HECTD4: variants seen among roughly 807,000 people sequenced by gnomAD.
HECTD4 encodes the protein HECT domain E3 ubiquitin protein ligase 4.
HECTD4 carries 114 observed loss-of-function variants against 471.5 expected under a neutral mutation model. That is an observed-to-expected ratio of 0.24 (90% CI 0.21 to 0.28). HECTD4 has a LOEUF of 0.28. Ranked by LOEUF, HECTD4 falls within the 10% of genes least tolerant of loss-of-function variation. The pLI is 1.00. For synonymous variants in HECTD4, 2,012 were observed against 2,256.0 expected, an observed-to-expected ratio of 0.89 and a Z score of 3.07; for missense variants, 3,866 against 5,651.5, an observed-to-expected ratio of 0.68 and a Z score of 10.13.
chr12:112,248,611 C>A, intron 25 of HECTD4, 99 bp from the exon 26 acceptor site: 1 of 767,506 alleles, frequency 1.3e-6, no homozygotes, highest in East Asian at 2.9e-5. Context: ...GACAAGGTCT[C>A]CCTCTGTCAC....
At chr12:112,198,381 G>A (rs2032312310) in intron 55 of HECTD4, among the ~76,000 whole-genome samples, 1 of 152,186 alleles carries the variant, frequency 6.6e-6, no homozygotes, top group Non-Finnish European at 1.5e-5. Context: ...CACAGAGGAG[G>A]GGCTGCCAAG....
rs1253624662 is a variant in HECTD4, at chr12:112,193,465, C to T, written c.8955+4G>A. The T allele has an allele frequency of 3.1e-6, 5 of 1,603,818 alleles. No individual in the cohort carries two copies. Among genetic ancestry groups the T allele is most frequent in the Middle Eastern group, 1.7e-4 (1 of 6,050 alleles). ...CTGCAGGAACATGAGCTTTAGACTT[C>T]TACCTGCAGGAAAGAGCAGATCTGT... is the stretch of plus-strand genomic sequence containing the variant. On this transcript the variant is annotated splice_donor_region_variant and intron_variant, in intron 57 of 75. Coordinates refer to ENST00000682272, the MANE Select transcript of HECTD4 (RefSeq NM_001388303.1). This position sits in a 1 kb window ranked among gnomAD's most constrained non-coding sequence, Gnocchi z 5.2.
At chr12:112,332,811 CAA>C (rs58813588) in intron 1 of HECTD4, among the ~76,000 whole-genome samples, 4 of 139,424 alleles carry the variant, frequency 2.9e-5, no homozygotes, top group African/African-American at 7.8e-5. Flanking sequence ...CACCCTACTG[CAA>C]AAAAAAAAAA....
At chr12:112,216,103 C>T (rs2032909187) in intron 48 of HECTD4, among the ~76,000 whole-genome samples, 189 bp downstream of exon 48, 1 of 152,184 alleles carries the variant, frequency 6.6e-6, no homozygotes, top group Non-Finnish European at 1.5e-5. Flanking sequence ...CAAATGGAGG[C>T]TCTAATGGCG....
chr12:112,209,958 A>C, intron 50 of HECTD4, 57 bp downstream of exon 50: 1 of 1,399,948 alleles, frequency 7.1e-7, no homozygotes, highest in Non-Finnish European at 9.9e-7. Context: ...TATGGAATTC[A>C]TAACATTCAT....
intron 1 of HECTD4, among the ~76,000 whole-genome samples, chr12:112,355,070 T>C (rs1338061754): frequency 6.7e-6 from 1 of 149,680 alleles, no homozygotes; most frequent in African/African-American, 2.5e-5. Flanking sequence ...AACCTCCGCC[T>C]CCCGGGTTCA....
At chr12:112,191,038 G>T in intron 59 of HECTD4, 73 bp from the exon 60 acceptor site, 2 of 1,293,406 alleles carry the variant, frequency 1.5e-6, no homozygotes, top group Non-Finnish European at 2.1e-6. Context: ...AAAAGGTCCT[G>T]CCAGGTGTGC....
At position 112,235,532 on chromosome 12, in the gene HECTD4, T is replaced by A; in HGVS notation, c.5697A>T (p.Leu1899Phe). ...GAACCACATAATCTGCCAGCTTTGCTAAGAGCAGGGAGGCGATCTTGGAAG... is the reference window on the plus strand; with the variant it reads ...GAACCACATAATCTGCCAGCTTTGCAAAGAGCAGGGAGGCGATCTTGGAAG... ...DPASKIASLLLAKLADYVVPG... is the reference protein window; with the variant it reads ...DPASKIASLLFAKLADYVVPG... The change falls in exon 36 of 76, where the codon TTA (leucine) becomes TTT (phenylalanine). Residue 1899 changes from leucine to phenylalanine, a missense_variant. This residue lies in a region of HECTD4 where 617 missense variants were observed against 915.1 expected (regional missense o/e 0.67). Transcript: ENST00000682272. This position sits in a 1 kb window ranked among gnomAD's most constrained non-coding sequence, Gnocchi z 5.0. 1 of 1,612,766 alleles carries A rather than the reference T, an allele frequency of 6.2e-7. No individual in the cohort carries two copies. Among genetic ancestry groups the A allele is most frequent in the Non-Finnish European group, 8.5e-7 (1 of 1,179,212 alleles).
At chr12:112,260,579 A>ATTTTTT (rs1170545268) in intron 18 of HECTD4, among the ~76,000 whole-genome samples, 1 of 144,108 alleles carries the variant, frequency 6.9e-6, no homozygotes. Context: ...CCAGAGCAGA[A>ATTTTTT]TTTTTTTTTT....
At chr12:112,178,853 GC>G (rs922941027) in intron 64 of HECTD4, 77 bp downstream of exon 64, 1 of 1,464,852 alleles carries the variant, frequency 6.8e-7, no homozygotes, top group African/African-American at 1.4e-5. Flanking sequence ...AGGAGCTGCC[GC>G]CCCTCAGGCT....
chr12:112,313,481 A>ATTT lies in HECTD4; in HGVS notation c.786-337_786-335dup, dbSNP rs34438364. Among the ~76,000 whole-genome samples, 277 of 58,826 alleles carry ATTT rather than the reference A, an allele frequency of 4.7e-3. 7 individuals carry two copies. Among genetic ancestry groups the ATTT allele is most frequent in the African/African-American group, 8.3e-3 (113 of 13,542 alleles). 38.6% of individuals were successfully genotyped at this position (58,826 alleles called of 152,430 possible). On this transcript the variant is annotated intron_variant, in intron 3 of 75. Transcript: ENST00000682272. ...AGTCACCTGCCACAATGCCCGGCTAATTTTTTTTTTTTTTTTTTTTTTTTG... is the reference window on the plus strand; with the variant it reads ...AGTCACCTGCCACAATGCCCGGCTAATTTTTTTTTTTTTTTTTTTTTTTTTTTG...
At chr12:112,300,132 T>A (rs1379298309) in intron 7 of HECTD4, among the ~76,000 whole-genome samples, 1 of 151,934 alleles carries the variant, frequency 6.6e-6, no homozygotes, top group African/African-American at 2.4e-5. Flanking sequence ...CTGGCCAACA[T>A]GGTGAAACCC....
intron 44 of HECTD4, among the ~76,000 whole-genome samples, chr12:112,220,572 G>A (rs931904190): frequency 6.6e-6 from 1 of 152,006 alleles, no homozygotes; most frequent in African/African-American, 2.4e-5. Flanking sequence ...TGAGGCAGAC[G>A]GATCACTTGA....
At position 112,178,950 on chromosome 12, in the gene HECTD4, C is replaced by G. The variant is rs1427502748; in HGVS notation, c.11344G>C (p.Ala3782Pro). ...PITKPPAKDKAVLNSVSRTAL... is the reference protein window; with the variant it reads ...PITKPPAKDKPVLNSVSRTAL... ...ACGCACCTGACGCTGTTGAGCACAG[C>G]CTTGTCCTTGGCGGGCGGCTTGGTG... The change falls in exon 64 of 76, where the codon GCT (alanine) becomes CCT (proline). Residue 3782 changes from alanine (A) to proline (P), a missense_variant. Transcript: ENST00000682272. 6.2e-7 allele frequency: 1 copy of G among 1,612,392 alleles called. No individual in the cohort carries two copies. Among genetic ancestry groups the G allele is most frequent in the Admixed American group, 1.7e-5 (1 of 59,926 alleles).
intron 65 of HECTD4, among the ~76,000 whole-genome samples, chr12:112,176,306 C>A (rs1255133480): frequency 6.6e-6 from 1 of 152,246 alleles, no homozygotes. Flanking sequence ...CGGTCACAAT[C>A]ATCTGTTCTT....
intron 5 of HECTD4, 22 bp from the exon 6 acceptor site, chr12:112,308,913 A>G (rs1423579356): frequency 6.5e-7 from 1 of 1,532,290 alleles, no homozygotes; most frequent in East Asian, 2.4e-5. Context: ...AATGGAGCAC[A>G]GGCTGAATCA....
At position 112,172,996 on chromosome 12, in the gene HECTD4, C is replaced by T. The variant is rs913477915; in HGVS notation, c.11595-135G>A. The T allele has an allele frequency of 6.1e-5, 46 of 749,052 alleles. No homozygotes were observed. In the Admixed American group the frequency reaches 9.4e-4, roughly 15 times the overall value. The allele number at this position is 749,052 out of a possible 1,614,324, so 46.4% of individuals were successfully genotyped here. On this transcript the variant is annotated intron_variant, in intron 66 of 75. Coordinates refer to ENST00000682272, the MANE Select transcript of HECTD4 (RefSeq NM_001388303.1). The stretch of plus-strand genomic sequence containing the variant: ...GACGGCCTCGCCTTCCAGGTTGTTT[C>T]TTGGTGCCTGGACAGCTCCTCATGG...
intron 72 of HECTD4, 165 bp downstream of exon 72, chr12:112,167,152 G>A: frequency 1.7e-6 from 1 of 576,948 alleles, no homozygotes; most frequent in Non-Finnish European, 3.0e-6. Flanking sequence ...AGAGGCCTCT[G>A]TCCCCATGAA....
intron 7 of HECTD4, among the ~76,000 whole-genome samples, chr12:112,295,029 C>T (rs572044108): frequency 2.2e-4 from 33 of 151,842 alleles, no homozygotes; most frequent in Non-Finnish European, 3.8e-4. Context: ...CACCGGAGGG[C>T]GCAGTGGCTC....
Sources: gnomAD v4.1 joint callset for allele counts (sites outside exome capture counted in the v4.1 genomes callset) on GRCh38, gnomAD v4.1.1 for gene constraint, gnomAD v4.1.1 regional missense constraint, Gnocchi (gnomAD v3.1) non-coding constraint, MANE v1.5 for transcripts, NCBI Gene and HGNC (gene_info 2026-07-23, HGNC 2026-07-21) for gene names.